INTS6: variants seen among roughly 807,000 people sequenced by gnomAD.
INTS6 encodes the protein integrator complex subunit 6, also known as DEAD box protein.
Under a neutral mutation model 104.9 loss-of-function variants are expected in INTS6, and 16 were observed. The ratio of observed to expected loss-of-function variants is 0.15; its 90% CI spans 0.10 to 0.23. The LOEUF (loss-of-function observed/expected upper bound fraction) is 0.23, where lower values mean the gene tolerates loss of function less well. Among genes scored for constraint, INTS6 ranks in the 10% least tolerant of loss-of-function variants. INTS6 has a pLI of 1.00. For synonymous variants in INTS6, 324 were observed against 358.7 expected, an observed-to-expected ratio of 0.90 and a Z score of 1.09; for missense variants, 584 against 1,062.8, an observed-to-expected ratio of 0.55 and a Z score of 6.26.
chr13:51,405,646 C>T (rs1317563895), intron 4 of INTS6, among the ~76,000 whole-genome samples: 2 of 152,094 alleles, frequency 1.3e-5, no homozygotes, highest in East Asian at 3.9e-4. Flanking sequence ...TCTTACTAGG[C>T]CTAGCAGCCT....
At chr13:51,437,067 T>G (rs1952704312) in intron 3 of INTS6, 1 of 152,100 alleles carries the variant, frequency 6.6e-6, no homozygotes, top group Non-Finnish European at 1.5e-5. Flanking sequence ...AACTGGGTAA[T>G]AATAACTTGG....
chr13:51,395,301 G>A lies in INTS6; in HGVS notation c.612C>T (p.Gly204=), dbSNP rs752090650. 3.1e-6 allele frequency: 5 copies of A among 1,590,890 alleles called. No individual in the cohort carries two copies. The South Asian group carries it at 4.6e-5, about 15-fold the overall frequency. The change falls in exon 5 of 18, where the codon GGC becomes GGT. Residue 204 remains glycine, a splice_region_variant and synonymous_variant. Coordinates refer to ENST00000311234, the MANE Select transcript of INTS6 (RefSeq NM_012141.3). The stretch of plus-strand genomic sequence containing the variant: ...AATTACTGCCAGCAAAAAACTTACC[G>A]CCTGTCACTTCACACATTGGTGTGA... The part of the protein sequence containing the change: ...SAITPMCEVT[G]GRSYSVCSPR...
chr13:51,438,935 T>C (rs1422820199), intron 3 of INTS6: 3 of 152,230 alleles, frequency 2.0e-5, no homozygotes, highest in Non-Finnish European at 4.4e-5. Flanking sequence ...TTATCTTCAA[T>C]TCCTTATTTA....
chr13:51,449,979 A>C (rs1381388743), intron 3 of INTS6: 1 of 985,354 alleles, frequency 1.0e-6, no homozygotes, highest in Non-Finnish European at 1.2e-6. Context: ...TAAGCACTGA[A>C]GTTATCCCTA....
At chr13:51,417,779 A>C (rs1956818988) in intron 4 of INTS6, among the ~76,000 whole-genome samples, 1 of 152,106 alleles carries the variant, frequency 6.6e-6, no homozygotes, top group Non-Finnish European at 1.5e-5. Flanking sequence ...TTTTCTCATT[A>C]AACTGTCTTA....
In INTS6 at chr13:51,378,295, G is replaced by C. The variant is rs1434969459; in HGVS notation, c.1546C>G (p.Leu516Val). The change falls in exon 12 of 18, where the codon CTG (leucine) becomes GTG (valine). Residue 516 changes from leucine (L) to valine (V), a missense_variant. By Grantham distance (32) the Leu-to-Val change is conservative. Around this residue, in one of 5 missense-constraint regions of INTS6, gnomAD observed 74 missense variants for 64.4 expected, o/e 1.15. Coordinates refer to ENST00000311234, the MANE Select transcript of INTS6 (RefSeq NM_012141.3). Reference sequence around the variant, plus strand: ...TATTCCTTCATATTAAGGTCTAGCAGTCTGTGAGGGACATCCTCTGAAATT... The same window carrying C: ...TATTCCTTCATATTAAGGTCTAGCACTCTGTGAGGGACATCCTCTGAAATT... The part of the protein sequence containing the change: ...QGISEDVPHR[L>V]LDLNMKEYTG... The C allele has an allele frequency of 6.2e-7, 1 of 1,613,466 alleles. No homozygotes were observed.
chr13:51,448,351 G>A (rs1952966100), intron 3 of INTS6: 1 of 152,124 alleles, frequency 6.6e-6, no homozygotes, highest in Non-Finnish European at 1.5e-5. Context: ...CTCCATTACT[G>A]TAGAAATATC....
chr13:51,451,812 C>T (rs575163866), intron 2 of INTS6, among the ~76,000 whole-genome samples, 166 bp downstream of exon 2: 2 of 144,312 alleles, frequency 1.4e-5, no homozygotes, highest in East Asian at 2.2e-4. Context: ...AGGACGCTGC[C>T]GAGCGGGGGA....
chr13:51,356,030 T>C (rs946677923), intron 3 of INTS6, among the ~76,000 whole-genome samples: 4 of 152,116 alleles, frequency 2.6e-5, no homozygotes, highest in African/African-American at 9.7e-5. Context: ...CACAGGAAAA[T>C]TGAGATTTTG....
intron 3 of INTS6, chr13:51,450,390 A>C: frequency 1.0e-6 from 1 of 985,380 alleles, no homozygotes; most frequent in Non-Finnish European, 1.2e-6. Context: ...TAAGAAACGA[A>C]GGGTTCTTTC....
chr13:51,449,559 G>A (rs1378223898), intron 3 of INTS6: 10 of 984,886 alleles, frequency 1.0e-5, no homozygotes, highest in Admixed American at 6.1e-5. Flanking sequence ...ATGTGATGCA[G>A]AAAAAGAGGA....
chr13:51,408,062 A>T (rs1956608976), intron 4 of INTS6, among the ~76,000 whole-genome samples: 1 of 151,790 alleles, frequency 6.6e-6, no homozygotes, highest in African/African-American at 2.4e-5. Flanking sequence ...GCTAAAGTAT[A>T]ACTATAGATA....
chr13:51,430,286 C>G lies in INTS6; in HGVS notation c.429+8G>C. On this transcript the variant is annotated splice_region_variant and intron_variant, in intron 4 of 17. Coordinates refer to ENST00000311234, the MANE Select transcript of INTS6 (RefSeq NM_012141.3). ...TTGCATAATCCATGTAATATAAGCA[C>G]AACTTACCTCATCCTGGACTCCACT... 2 of 1,611,112 alleles carry G rather than the reference C, an allele frequency of 1.2e-6. No individual in the cohort carries two copies. Among genetic ancestry groups the G allele is most frequent in the African/African-American group, 2.7e-5 (2 of 74,966 alleles).
intron 3 of INTS6, chr13:51,449,453 C>T: frequency 1.0e-6 from 1 of 984,294 alleles, no homozygotes; most frequent in Non-Finnish European, 1.2e-6. Flanking sequence ...TCAGCCTCTC[C>T]ATGACAAGCA....
chr13:51,347,077 A>G, the INTS6 span: 1 of 1,605,342 alleles, frequency 6.2e-7, no homozygotes, highest in Non-Finnish European at 8.5e-7. Flanking sequence ...AAGTCAGTGC[A>G]GCATTTGCTC....
chr13:51,423,618 A>G (rs1211512979), intron 4 of INTS6, among the ~76,000 whole-genome samples: 2 of 152,060 alleles, frequency 1.3e-5, no homozygotes, highest in Non-Finnish European at 2.9e-5. Flanking sequence ...CTATTCAATA[A>G]CTTATTCTAA....
At chr13:51,439,418 G>A (rs1952751528) in intron 3 of INTS6, 1 of 152,014 alleles carries the variant, frequency 6.6e-6, no homozygotes, top group African/African-American at 2.4e-5. Flanking sequence ...GGTTTTTTAA[G>A]TTATAGTACT....
chr13:51,379,131 AAG>A (rs1955995689), intron 11 of INTS6, among the ~76,000 whole-genome samples: 2 of 151,990 alleles, frequency 1.3e-5, no homozygotes, highest in South Asian at 2.1e-4. Flanking sequence ...TCAAAACATA[AAG>A]AGTTTTTTTT....
intron 3 of INTS6, 56 bp downstream of exon 3, chr13:51,450,969 G>GT: frequency 6.9e-7 from 1 of 1,442,552 alleles, no homozygotes; most frequent in Non-Finnish European, 9.1e-7. Flanking sequence ...GGACTGGACT[G>GT]TGTTTTTCCA....
Sources: gnomAD v4.1 joint callset for allele counts (sites outside exome capture counted in the v4.1 genomes callset) on GRCh38, gnomAD v4.1.1 for gene constraint, gnomAD v4.1.1 regional missense constraint, MANE v1.5 for transcripts, NCBI Gene and HGNC (gene_info 2026-07-23, HGNC 2026-07-21) for gene names.